The following PBX4 variants were observed in gnomAD, a reference collection of about 807,000 sequenced individuals.
PBX4 encodes pre-B-cell leukemia transcription factor 4.
Under a neutral mutation model 35.1 loss-of-function variants are expected in PBX4, and 26 were observed. That is an observed-to-expected ratio of 0.74 (90% confidence interval 0.54 to 1.03). The LOEUF (loss-of-function observed/expected upper bound fraction) is 1.03, where lower values mean the gene tolerates loss of function less well. Ranked by LOEUF, PBX4 falls within the 50% of genes least tolerant of loss-of-function variation. PBX4 has a pLI of 0.00. For missense variants in PBX4, 448 were observed against 504.3 expected, an observed-to-expected ratio of 0.89 and a Z score of 1.07; for synonymous variants, 199 against 204.2, an observed-to-expected ratio of 0.97 and a Z score of 0.22.
intron 2 of PBX4, among the ~76,000 whole-genome samples, chr19:19,596,067 C>A (rs1433882710): frequency 6.6e-6 from 1 of 151,926 alleles, no homozygotes; most frequent in African/African-American, 2.4e-5. Flanking sequence ...CACTGCATTC[C>A]AGCCTGGTGA....
intron 2 of PBX4, among the ~76,000 whole-genome samples, chr19:19,572,789 G>A (rs2061392758): frequency 6.7e-6 from 1 of 150,226 alleles, no homozygotes; most frequent in Non-Finnish European, 1.5e-5. Context: ...GGGAGACGGA[G>A]GTTGCAGTGA....
At chr19:19,566,099 T>C (rs2144700764) in intron 5 of PBX4, among the ~76,000 whole-genome samples, 1 of 152,072 alleles carries the variant, frequency 6.6e-6, no homozygotes, top group South Asian at 2.1e-4. Context: ...GCAGCTGTTA[T>C]CGTCCCTGCT....
chr19:19,599,244 G>A, intron 2 of PBX4, 48 bp downstream of exon 2: 1 of 1,513,102 alleles, frequency 6.6e-7, no homozygotes, highest in Non-Finnish European at 9.1e-7. Flanking sequence ...TGGGATTACA[G>A]GCATGAGCCA....
intron 1 of PBX4, among the ~76,000 whole-genome samples, chr19:19,609,276 G>A (rs1042400719): frequency 6.6e-6 from 1 of 152,126 alleles, no homozygotes; most frequent in Non-Finnish European, 1.5e-5. Context: ...AGAGCCAGGC[G>A]CAGTAGCTCA....
At chr19:19,570,373 G>C in intron 3 of PBX4, 74 bp from the exon 4 acceptor site, 1 of 1,505,800 alleles carries the variant, frequency 6.6e-7, no homozygotes, top group Admixed American at 2.1e-5. Flanking sequence ...TTCCACAGCG[G>C]AGCAGCCGCC....
intron 3 of PBX4, 37 bp from the exon 4 acceptor site, chr19:19,570,336 G>A (rs753488447): frequency 6.4e-7 from 1 of 1,566,416 alleles, no homozygotes; most frequent in Non-Finnish European, 8.7e-7. Flanking sequence ...CCTGTGACTA[G>A]GCAGCAGGGT....
chr19:19,611,036 T>C (rs566452451), intron 1 of PBX4, among the ~76,000 whole-genome samples: 1 of 152,288 alleles, frequency 6.6e-6, no homozygotes, highest in East Asian at 1.9e-4. Flanking sequence ...CTAGAACCCT[T>C]GCATTCTTTG....
intron 1 of PBX4, among the ~76,000 whole-genome samples, chr19:19,600,689 C>G (rs1360778377): frequency 6.6e-6 from 1 of 151,658 alleles, no homozygotes; most frequent in Non-Finnish European, 1.5e-5. Context: ...TGGTGGTGCA[C>G]ACCTGTAATC....
intron 2 of PBX4, among the ~76,000 whole-genome samples, chr19:19,592,665 G>A (rs1174085163): frequency 6.6e-6 from 1 of 152,194 alleles, no homozygotes; most frequent in Non-Finnish European, 1.5e-5. Flanking sequence ...AACCTCATAA[G>A]GGGAACTGGA....
chr19:19,598,054 G>A (rs2061571145), intron 2 of PBX4, among the ~76,000 whole-genome samples: 1 of 152,128 alleles, frequency 6.6e-6, no homozygotes, highest in South Asian at 2.1e-4. Flanking sequence ...GATCACAGGA[G>A]ACCAAAGAGA....
At chr19:19,576,304 C>G (rs1366912316) in intron 2 of PBX4, among the ~76,000 whole-genome samples, 1 of 152,140 alleles carries the variant, frequency 6.6e-6, no homozygotes, top group African/African-American at 2.4e-5. Context: ...CGGCTCACTG[C>G]AACCTCCGAC....
chr19:19,602,208 G>A (rs1385799158), intron 1 of PBX4, among the ~76,000 whole-genome samples: 6 of 151,978 alleles, frequency 3.9e-5, no homozygotes, highest in Admixed American at 1.3e-4. Flanking sequence ...TGAGGTGGGA[G>A]GACCAGTCTA....
At position 19,563,592 on chromosome 19, in the gene PBX4, G is replaced by C. The variant is rs770018670; in HGVS notation, c.949C>G (p.Pro317Ala). The C allele has an allele frequency of 3.2e-6, 5 of 1,550,092 alleles. No individual in the cohort carries two copies. The South Asian group carries it at 3.6e-5, about 11-fold the overall frequency. The change falls in exon 7 of 8, where the codon CCC becomes GCC. Residue 317 changes from proline to alanine, a missense_variant. Pro to Ala is a conservative substitution (Grantham distance 27). Transcript: ENST00000251203. The surrounding 1 kb of genome is among the most constrained non-coding windows in gnomAD (Gnocchi z 5.1). ...GTGAGGAAGGCGTCCCCAGCGCTGG[G>C]CAGCGGGAAGGGTCCAGAGGAGCCT... is the stretch of plus-strand genomic sequence containing the variant. Reference protein sequence around the residue: ...SSGSSGPFPLPSAGDAFLTLR... With the variant: ...SSGSSGPFPLASAGDAFLTLR...
At chr19:19,575,865 T>C (rs1436332015) in intron 2 of PBX4, among the ~76,000 whole-genome samples, 1 of 152,146 alleles carries the variant, frequency 6.6e-6, no homozygotes, top group Non-Finnish European at 1.5e-5. Context: ...CCAGGTGTCA[T>C]GTGTGGGCGG....
chr19:19,570,473 A>T, intron 3 of PBX4, 113 bp downstream of exon 3: 1 of 1,510,478 alleles, frequency 6.6e-7, no homozygotes, highest in Non-Finnish European at 9.0e-7. Context: ...TGCAGCGACC[A>T]ACTGCATGGA....
At chr19:19,577,820 G>C (rs59350672) in intron 2 of PBX4, among the ~76,000 whole-genome samples, 75,965 of 150,806 alleles carry the variant, frequency 0.5, 20,187 homozygotes, top group African/African-American at 0.67. Flanking sequence ...GATCGCGCCA[G>C]TGCACTCCAG....
intron 2 of PBX4, among the ~76,000 whole-genome samples, chr19:19,595,312 T>C (rs1269186566): frequency 6.6e-6 from 1 of 152,188 alleles, no homozygotes; most frequent in African/African-American, 2.4e-5. Context: ...AGGGGGTGGA[T>C]ACACATTGGC....
rs753559018 is a variant in PBX4 at position 19,564,933 on chromosome 19, C to T, written c.925G>A (p.Gly309Ser). ...HASCLSTPSS[G>S]SSGPFPLPSA... ...CTGTCCCTGGGCCAGCCTCACTCAC[C>T]GGAGCTAGGTGTTGACAGGCAGCTG... The change falls in exon 6 of 8, where the codon GGC becomes AGC. Residue 309 changes from glycine to serine, a missense_variant and splice_region_variant. Gly to Ser is a moderately conservative substitution (Grantham distance 56). Coordinates refer to ENST00000251203, the MANE Select transcript of PBX4 (RefSeq NM_025245.3). 127 of 1,614,236 alleles carry T rather than the reference C, an allele frequency of 7.9e-5. No homozygotes were observed. The highest frequency in any genetic ancestry group is 1.0e-4 in the Non-Finnish European group (120 of 1,180,038).
At chr19:19,604,137 C>G (rs550839197) in intron 1 of PBX4, among the ~76,000 whole-genome samples, 1 of 152,174 alleles carries the variant, frequency 6.6e-6, no homozygotes, top group African/African-American at 2.4e-5. Context: ...AATAATGTAT[C>G]TGAAAATCAA....
Sources: allele counts gnomAD v4.1 joint callset (sites outside exome capture counted in the v4.1 genomes callset), GRCh38; gene constraint gnomAD v4.1.1; non-coding constraint Gnocchi (gnomAD v3.1); transcripts MANE v1.5; gene names NCBI Gene and HGNC (gene_info 2026-07-23, HGNC 2026-07-21).